Variants in CTNNA2 observed in about 807,000 individuals in gnomAD.
The protein encoded by CTNNA2 is catenin alpha 2.
CTNNA2 carries 42 observed loss-of-function variants against 101.0 expected under a neutral mutation model. The ratio of observed to expected loss-of-function variants is 0.42; its 90% CI spans 0.32 to 0.54. CTNNA2 has a LOEUF of 0.54. Ranked by LOEUF, CTNNA2 falls within the 20% of genes least tolerant of loss-of-function variation. CTNNA2 has a pLI of 0.14. For synonymous variants in CTNNA2, 450 were observed against 456.4 expected, an observed-to-expected ratio of 0.99 and a Z score of 0.18; for missense variants, 871 against 1,223.1, an observed-to-expected ratio of 0.71 and a Z score of 4.29.
chr2:80,442,816 A>G (rs1049093505), intron 9 of CTNNA2, among the ~76,000 whole-genome samples: 4 of 152,204 alleles, frequency 2.6e-5, no homozygotes, highest in Non-Finnish European at 5.9e-5. Context: ...GGCTCCCATC[A>G]TTGTTGCCAT....
At chr2:80,134,521 A>G (rs552073658) in intron 7 of CTNNA2, among the ~76,000 whole-genome samples, 1 of 152,224 alleles carries the variant, frequency 6.6e-6, no homozygotes, top group Non-Finnish European at 1.5e-5. Flanking sequence ...TGTGACCCTG[A>G]GACCCCACTT....
At chr2:79,413,151 T>C (rs917781815) in intron 4 of CTNNA2, among the ~76,000 whole-genome samples, 5 of 151,996 alleles carry the variant, frequency 3.3e-5, no homozygotes, top group African/African-American at 1.2e-4. Context: ...ATTATCATTG[T>C]TGTCATTTGC....
chr2:80,454,733 A>T (rs1683814014), intron 9 of CTNNA2, among the ~76,000 whole-genome samples: 1 of 152,212 alleles, frequency 6.6e-6, no homozygotes, highest in African/African-American at 2.4e-5. Context: ...CCAGGTCTCC[A>T]TCTGCAGCCT....
chr2:79,938,284 A>G (rs1687923105), intron 7 of CTNNA2, among the ~76,000 whole-genome samples: 1 of 152,224 alleles, frequency 6.6e-6, no homozygotes, highest in South Asian at 2.1e-4. Context: ...CTTGATTTGT[A>G]GAACAGAATT....
chr2:79,899,281 A>G (rs571183350), intron 6 of CTNNA2, among the ~76,000 whole-genome samples: 1 of 152,320 alleles, frequency 6.6e-6, no homozygotes, highest in African/African-American at 2.4e-5. Flanking sequence ...AATTCATAAT[A>G]TAAAGCTAAG....
intron 2 of CTNNA2, among the ~76,000 whole-genome samples, chr2:79,252,544 ACTTAGC>A (rs1418761674): frequency 1.1e-4 from 16 of 152,196 alleles, no homozygotes; most frequent in African/African-American, 2.9e-4. Context: ...TTTTCCCTTC[ACTTAGC>A]CAATTTCCCA....
chr2:79,655,762 G>A lies in CTNNA2; in HGVS notation c.102+4104G>A, dbSNP rs138905913. Among the ~76,000 whole-genome samples the A allele has an allele frequency of 1.6e-3, 236 of 151,424 alleles. 5 individuals carry two copies. In the East Asian group the frequency reaches 0.035, roughly 23 times the overall value. ...GAGAATCACTTGAACACAGGAGGCA[G>A]AGGTTACAGTGAGCCAAGATCATGC... On this transcript the variant is annotated intron_variant, in intron 2 of 18. Transcript: ENST00000402739.
At chr2:79,836,318 G>A (rs1450971919) in intron 3 of CTNNA2, among the ~76,000 whole-genome samples, 1 of 152,194 alleles carries the variant, frequency 6.6e-6, no homozygotes, top group Non-Finnish European at 1.5e-5. Flanking sequence ...TACTTTGAGT[G>A]TGAATTTTAA....
At chr2:79,632,547 T>G (rs1679760901) in intron 1 of CTNNA2, among the ~76,000 whole-genome samples, 1 of 152,220 alleles carries the variant, frequency 6.6e-6, no homozygotes, top group African/African-American at 2.4e-5. Context: ...TCCATGGTAG[T>G]AGGTATAATG....
intron 3 of CTNNA2, among the ~76,000 whole-genome samples, chr2:79,798,382 T>A (rs72824547): frequency 2.6e-5 from 4 of 152,160 alleles, no homozygotes; most frequent in African/African-American, 9.6e-5. Flanking sequence ...TCCTCATGGA[T>A]CTCCAAAATT....
chr2:79,667,861 G>A (rs1312977105), intron 2 of CTNNA2, among the ~76,000 whole-genome samples: 1 of 152,244 alleles, frequency 6.6e-6, no homozygotes, highest in South Asian at 2.1e-4. Flanking sequence ...TATAGAAAGG[G>A]GTGATTAAAC....
intron 6 of CTNNA2, among the ~76,000 whole-genome samples, chr2:79,885,719 G>A (rs1370454936): frequency 1.3e-5 from 2 of 152,208 alleles, no homozygotes; most frequent in African/African-American, 4.8e-5. Context: ...TAGAATGAAG[G>A]TGAAGAGTTG....
At chr2:79,335,642 G>A (rs59763261) in intron 3 of CTNNA2, among the ~76,000 whole-genome samples, 16,772 of 152,100 alleles carry the variant, frequency 0.11, 1,085 homozygotes, top group East Asian at 0.26. Flanking sequence ...AACATTCTAC[G>A]TCTTAGTTAC....
chr2:79,298,405 G>A (rs1676032345), intron 2 of CTNNA2, among the ~76,000 whole-genome samples: 1 of 152,042 alleles, frequency 6.6e-6, no homozygotes, highest in South Asian at 2.1e-4. Flanking sequence ...CCAATGTTCA[G>A]GATCAAATTT....
chr2:79,956,047 A>AT (rs1169001926), intron 7 of CTNNA2, among the ~76,000 whole-genome samples: 1 of 152,204 alleles, frequency 6.6e-6, no homozygotes, highest in Non-Finnish European at 1.5e-5. Flanking sequence ...TGCTGCATAG[A>AT]TTTAGGCTAA....
At chr2:79,882,794 G>A (rs1683545320) in intron 6 of CTNNA2, among the ~76,000 whole-genome samples, 1 of 152,242 alleles carries the variant, frequency 6.6e-6, no homozygotes, top group Non-Finnish European at 1.5e-5. Flanking sequence ...CTGAGAATCT[G>A]CGTAGCTCTG....
chr2:79,394,200 G>T (rs536057365), intron 4 of CTNNA2, among the ~76,000 whole-genome samples: 2 of 152,092 alleles, frequency 1.3e-5, no homozygotes, highest in Non-Finnish European at 2.9e-5. Flanking sequence ...GTTTCTTTTT[G>T]TTTGTTTGTT....
intron 7 of CTNNA2, among the ~76,000 whole-genome samples, chr2:80,306,400 TTTTCTTTC>T (rs58501778): frequency 0.083 from 8,996 of 108,792 alleles, 371 homozygotes; most frequent in Middle Eastern, 0.12. Context: ...TTTTCTTTTC[TTTTCTTTC>T]TTTCTTTCTT....
At chr2:79,430,411 T>C (rs1017129343) in intron 4 of CTNNA2, among the ~76,000 whole-genome samples, 2 of 152,182 alleles carry the variant, frequency 1.3e-5, no homozygotes, top group Non-Finnish European at 2.9e-5. Flanking sequence ...AGAGAAAATG[T>C]GTTATAAATA....
Sources: allele counts gnomAD v4.1 joint callset (sites outside exome capture counted in the v4.1 genomes callset), GRCh38; gene constraint gnomAD v4.1.1; transcripts MANE v1.5; gene names NCBI Gene and HGNC (gene_info 2026-07-23, HGNC 2026-07-21).